The following SERPINI2 variants were observed in gnomAD, a reference collection of about 807,000 sequenced individuals.
SERPINI2 encodes the protein serpin I2.
Under a neutral mutation model 47.3 loss-of-function variants are expected in SERPINI2, and 48 were observed. The observed-to-expected ratio is 1.02, with a 90% CI of 0.81 to 1.29. The LOEUF (loss-of-function observed/expected upper bound fraction) is 1.29. Ranked by LOEUF, SERPINI2 falls within the 50% of genes most tolerant of loss-of-function variation. The probability of loss-of-function intolerance (pLI) is 0.00; values close to 1 mark genes in which losing one functional copy is unlikely to be tolerated. For synonymous variants in SERPINI2, 135 were observed against 149.3 expected, an observed-to-expected ratio of 0.90 and a Z score of 0.70; for missense variants, 448 against 456.9, an observed-to-expected ratio of 0.98 and a Z score of 0.18.
chr3:167,475,154 T>A (rs1275778979), upstream of SERPINI2, among the ~76,000 whole-genome samples: 1 of 151,808 alleles, frequency 6.6e-6, no homozygotes, highest in Non-Finnish European at 1.5e-5. Context: ...GATCTTGAGT[T>A]TTATTCTAAT....
chr3:167,451,787 C>G (rs1749648204), intron 6 of SERPINI2, among the ~76,000 whole-genome samples: 1 of 152,006 alleles, frequency 6.6e-6, no homozygotes, highest in Admixed American at 6.6e-5. Flanking sequence ...TCCCTATGGC[C>G]AGAAAGAAGT....
chr3:167,467,925 C>A (rs2108171131), intron 2 of SERPINI2, among the ~76,000 whole-genome samples: 1 of 152,236 alleles, frequency 6.6e-6, no homozygotes, highest in Admixed American at 6.5e-5. Flanking sequence ...AACCACTAGC[C>A]AAAATAAGTC....
intron 1 of SERPINI2, 163 bp downstream of exon 1, chr3:167,473,840 G>A (rs1750408582): frequency 7.4e-7 from 1 of 1,350,386 alleles, no homozygotes; most frequent in Non-Finnish European, 9.6e-7. Flanking sequence ...GATTTGTGGT[G>A]AAATCATTTA....
upstream of SERPINI2, among the ~76,000 whole-genome samples, chr3:167,474,590 AT>A (rs911920819): frequency 1.3e-5 from 2 of 151,724 alleles, no homozygotes; most frequent in Non-Finnish European, 3.0e-5. Context: ...TTGAAGAAAT[AT>A]GTTCTTTATT....
chr3:167,466,782 A>G (rs1750145786), intron 3 of SERPINI2, among the ~76,000 whole-genome samples: 1 of 152,154 alleles, frequency 6.6e-6, no homozygotes. Flanking sequence ...TGTTTTAACA[A>G]AAATTATTAT....
chr3:167,475,173 C>G (rs1048195645), upstream of SERPINI2, among the ~76,000 whole-genome samples: 3 of 151,768 alleles, frequency 2.0e-5, no homozygotes, highest in African/African-American at 7.2e-5. Flanking sequence ...ATATTACCTA[C>G]TCTATCATAA....
intron 8 of SERPINI2, among the ~76,000 whole-genome samples, chr3:167,446,181 G>A (rs7615516): frequency 0.31 from 47,746 of 152,026 alleles, 9,598 homozygotes; most frequent in African/African-American, 0.58. Flanking sequence ...AATGGCTACC[G>A]CATATAGTAG....
At position 167,449,416 on chromosome 3, in the gene SERPINI2, A is replaced by C. The variant is rs1335597163; in HGVS notation, c.965-14T>G. 6.4e-7 allele frequency: 1 copy of C among 1,551,226 alleles called. No individual in the cohort carries two copies. On this transcript the variant is annotated splice_polypyrimidine_tract_variant and intron_variant, in intron 6 of 8. Transcript: ENST00000264677. ...CTTCAGATGAATCTGGTTAAAAAAA[A>C]ATACACAAAAGTGTATTTAAGAGTT...
At chr3:167,458,684 C>T (rs911363940) in intron 5 of SERPINI2, among the ~76,000 whole-genome samples, 1 of 152,030 alleles carries the variant, frequency 6.6e-6, no homozygotes, top group Admixed American at 6.6e-5. Flanking sequence ...CAGTAGAATC[C>T]CAATCAATGT....
rs373825022 is a variant in SERPINI2 at position 167,452,930 on chromosome 3, T to A, written c.964+6A>T. ...ATCATAATATAAGAATTATTTATCA[T>A]ACTACCTGTTATTCCAGAAAGGTCG... On this transcript the variant is annotated splice_donor_region_variant and intron_variant, in intron 6 of 8. Coordinates refer to ENST00000264677, the Ensembl canonical transcript of SERPINI2. 8 of 1,530,508 alleles carry A rather than the reference T, an allele frequency of 5.2e-6. No individual in the cohort carries two copies. The African/African-American group carries it at 9.7e-5, about 19-fold the overall frequency. 94.8% of individuals were successfully genotyped at this position (1,530,508 alleles called of 1,614,324 possible).
At chr3:167,463,575 A>G (rs1177058860) in intron 5 of SERPINI2, among the ~76,000 whole-genome samples, 1 of 152,176 alleles carries the variant, frequency 6.6e-6, no homozygotes, top group Non-Finnish European at 1.5e-5. Flanking sequence ...AAAGGAAGAA[A>G]GCTTTTCCAG....
exon 1 of SERPINI2, chr3:167,474,089 C>G: frequency 2.0e-6 from 2 of 1,016,916 alleles, no homozygotes; most frequent in Non-Finnish European, 2.4e-6. Flanking sequence ...CCTGAGCGAT[C>G]AAGGCCAACT....
chr3:167,449,354 T>G (rs1378641581), exon 7 of SERPINI2: 2 of 1,613,310 alleles, frequency 1.2e-6, no homozygotes, highest in Admixed American at 3.3e-5. Context: ...TTCATTTATC[T>G]CAAAGAAAAC....
At chr3:167,458,193 G>T (rs893447375) in intron 5 of SERPINI2, among the ~76,000 whole-genome samples, 1 of 144,708 alleles carries the variant, frequency 6.9e-6, no homozygotes, top group African/African-American at 2.6e-5. Context: ...TTACTTATAC[G>T]ATTCTTTTAG....
At position 167,445,557 on chromosome 3, in the gene SERPINI2, C is replaced by G. The variant is rs1036824172; in HGVS notation, c.1141+835G>C. On this transcript the variant is annotated intron_variant, in intron 8 of 8. Transcript: ENST00000264677. ...AAATTGAGCCCAACCCAATTTCACA[C>G]CCTCTGTCTATAGGGAAACTGATAC... Among the ~76,000 whole-genome samples, 5 of 152,264 alleles carry G rather than the reference C, an allele frequency of 3.3e-5. No individual in the cohort carries two copies. In the East Asian group the frequency reaches 7.7e-4, roughly 24 times the overall value.
chr3:167,467,275 A>T, exon 3 of SERPINI2: 1 of 1,607,338 alleles, frequency 6.2e-7, no homozygotes, highest in South Asian at 1.1e-5. Context: ...TCAGTACAAA[A>T]AATTCTTCCC....
At chr3:167,467,942 G>A (rs1056837253) in intron 2 of SERPINI2, among the ~76,000 whole-genome samples, 1 of 152,084 alleles carries the variant, frequency 6.6e-6, no homozygotes, top group Non-Finnish European at 1.5e-5. Flanking sequence ...AGTCAGTCAG[G>A]GTCAACTAAA....
chr3:167,457,268 T>C (rs1749820032), intron 5 of SERPINI2, among the ~76,000 whole-genome samples: 1 of 152,194 alleles, frequency 6.6e-6, no homozygotes, highest in Non-Finnish European at 1.5e-5. Flanking sequence ...CTTACATGCA[T>C]AAACTTGCAA....
At chr3:167,448,800 G>C (rs955920392) in intron 7 of SERPINI2, among the ~76,000 whole-genome samples, 3 of 152,134 alleles carry the variant, frequency 2.0e-5, no homozygotes, top group Non-Finnish European at 2.9e-5. Context: ...GGGATTACAG[G>C]CGTGAGCCAC....
Sources: allele counts gnomAD v4.1 joint callset (sites outside exome capture counted in the v4.1 genomes callset), GRCh38; gene constraint gnomAD v4.1.1; transcripts MANE v1.5; gene names NCBI Gene and HGNC (gene_info 2026-07-23, HGNC 2026-07-21).